Variants in RAP1GAP observed in about 807,000 individuals in gnomAD.
RAP1GAP encodes RAP1 GTPase activating protein.
RAP1GAP carries 35 observed loss-of-function variants against 87.2 expected under a neutral mutation model. The observed-to-expected ratio is 0.40, with a 90% CI of 0.31 to 0.53. The LOEUF is 0.53. RAP1GAP is among the 20% of genes least tolerant of loss of function. The pLI, the probability that RAP1GAP is intolerant of heterozygous loss-of-function variation, is 0.48. For synonymous variants in RAP1GAP, 375 were observed against 363.9 expected (o/e 1.03, Z -0.35); for missense variants, 734 against 898.9 (o/e 0.82, Z 2.35).
intron 7 of RAP1GAP, 26 bp from the exon 8 acceptor site, chr1:21,614,115 G>A (rs1192082024): frequency 2.7e-6 from 4 of 1,494,760 alleles, no homozygotes; most frequent in Admixed American, 1.8e-5. Flanking sequence ...GGGGCCAGGG[G>A]AGTGGGTGAG....
In RAP1GAP at chr1:21,613,282, ATGGGG is replaced by A; in HGVS notation, c.475-58_475-54del. 6.9e-7 allele frequency: 1 copy of A among 1,455,808 alleles called. No homozygotes were observed. Among genetic ancestry groups the A allele is most frequent in the Non-Finnish European group, 9.6e-7 (1 of 1,036,430 alleles). The allele number at this position is 1,455,808 out of a possible 1,614,324, so 90.2% of individuals were successfully genotyped here. On this transcript the variant is annotated intron_variant, in intron 9 of 24. Transcript: ENST00000374765. The surrounding 1 kb of genome is among the most constrained non-coding windows in gnomAD (Gnocchi z 4.7). The stretch of plus-strand genomic sequence containing the variant: ...GAGGTGTGGGGCCAGGGAGGAGAGG[ATGGGG>A]CTGCCTGGGCCTCCCTGGTCAAGGT...
intron 2 of RAP1GAP, among the ~76,000 whole-genome samples, chr1:21,639,077 G>A (rs760041188): frequency 2.6e-5 from 4 of 152,248 alleles, no homozygotes; most frequent in South Asian, 4.1e-4. Context: ...CAGCTGTCAC[G>A]TCCTGCAAGC....
At position 21,613,070 on chromosome 1, in the gene RAP1GAP, G is replaced by C; in HGVS notation, c.528+106C>G. 3.2e-6 allele frequency: 4 copies of C among 1,240,350 alleles called. No individual in the cohort carries two copies. The highest frequency in any genetic ancestry group is 4.7e-6 in the Non-Finnish European group (4 of 853,948). 76.8% of individuals were successfully genotyped at this position (1,240,350 alleles called of 1,614,324 possible). A position where few individuals can be genotyped will look rare whatever the true frequency, so the allele number is the denominator to read the frequency against. ...CACAGGGTTATTGTGAGGATTAAAT[G>C]AGAGAACCTTGGGAAAGTATCTGGC... On this transcript the variant is annotated intron_variant, in intron 10 of 24. Coordinates refer to ENST00000374765, the MANE Select transcript of RAP1GAP (RefSeq NM_002885.4). The surrounding 1 kb of genome is among the most constrained non-coding windows in gnomAD (Gnocchi z 4.7).
chr1:21,601,124 T>TGGGATAAAA (rs1225749117), intron 20 of RAP1GAP, among the ~76,000 whole-genome samples: 1 of 151,632 alleles, frequency 6.6e-6, no homozygotes, highest in African/African-American at 2.4e-5. Flanking sequence ...CTCCAACTCC[T>TGGGATAAAA]GGGCTAAAAT....
At chr1:21,629,270 C>T (rs542870022) in intron 2 of RAP1GAP, among the ~76,000 whole-genome samples, 1 of 152,248 alleles carries the variant, frequency 6.6e-6, no homozygotes, top group South Asian at 2.1e-4. Context: ...TGCCCAGTGG[C>T]GGCTGTTGCT....
chr1:21,651,831 C>T (rs1278970628), intron 1 of RAP1GAP: 2 of 1,202,440 alleles, frequency 1.7e-6, no homozygotes, highest in Non-Finnish European at 2.1e-6. Flanking sequence ...ATGGTGCCGC[C>T]GCCGCCGCCC....
In RAP1GAP at chr1:21,653,467, G is replaced by C. The variant is rs114638484; in HGVS notation, c.-148-3671C>G. On this transcript the variant is annotated intron_variant, in intron 1 of 24. Coordinates refer to ENST00000374765, the MANE Select transcript of RAP1GAP (RefSeq NM_002885.4). ...CTCTGGGCAGTGCTGTAGAGTCCTGGGGGGAGGAATCACACCAGGGCAGGC... is the reference window on the plus strand; with the variant it reads ...CTCTGGGCAGTGCTGTAGAGTCCTGCGGGGAGGAATCACACCAGGGCAGGC... 9.2e-3 allele frequency among the ~76,000 whole-genome samples: 1,407 copies of C among 152,202 alleles called. 11 individuals carry two copies. The highest frequency in any genetic ancestry group is 0.015 in the African/African-American group (630 of 41,552).
intron 16 of RAP1GAP, 142 bp from the exon 17 acceptor site, chr1:21,608,492 G>A: frequency 2.6e-6 from 3 of 1,159,972 alleles, no homozygotes; most frequent in East Asian, 5.2e-5. Flanking sequence ...CTCCTGCACC[G>A]CCTTCCCCCA....
chr1:21,637,184 T>A (rs1427876461), intron 2 of RAP1GAP, among the ~76,000 whole-genome samples: 1 of 143,394 alleles, frequency 7.0e-6, no homozygotes, highest in African/African-American at 2.6e-5. Context: ...GGGGGCAGGG[T>A]CTCACTTTGT....
In RAP1GAP at chr1:21,642,261, C is replaced by T. The variant is rs528039515; in HGVS notation, c.-113+7500G>A. ...AGAGTCTACACACCAAGCGCAATTCCGCACCCACTGCAGGCGCAGCAGGTA... is the reference window on the plus strand; with the variant it reads ...AGAGTCTACACACCAAGCGCAATTCTGCACCCACTGCAGGCGCAGCAGGTA... On this transcript the variant is annotated intron_variant, in intron 2 of 24. Coordinates refer to ENST00000374765, the MANE Select transcript of RAP1GAP (RefSeq NM_002885.4). Among the ~76,000 whole-genome samples, 8 of 152,352 alleles carry T rather than the reference C, an allele frequency of 5.3e-5. No homozygotes were observed. The East Asian group carries it at 7.7e-4, about 15-fold the overall frequency.
chr1:21,611,587 C>T lies in RAP1GAP; in HGVS notation c.714-6G>A, dbSNP rs770621161. The T allele has an allele frequency of 1.2e-6, 2 of 1,614,100 alleles. No homozygotes were observed. The highest frequency in any genetic ancestry group is 1.1e-5 in the South Asian group (1 of 91,078). Reference sequence around the variant, plus strand: ...CGTCCAGGCCTCCTCGGAACCTGCCCCGGGGCCCCCCAGGCCACGCCTCAG... The same window carrying T: ...CGTCCAGGCCTCCTCGGAACCTGCCTCGGGGCCCCCCAGGCCACGCCTCAG... On this transcript the variant is annotated splice_polypyrimidine_tract_variant and splice_region_variant and intron_variant, in intron 12 of 24. Coordinates refer to ENST00000374765, the MANE Select transcript of RAP1GAP (RefSeq NM_002885.4).
intron 4 of RAP1GAP, 108 bp downstream of exon 4, chr1:21,619,907 G>C (rs528084012): frequency 4.1e-5 from 49 of 1,198,298 alleles, no homozygotes; most frequent in Middle Eastern, 1.9e-4. Context: ...TTCTACTGGC[G>C]TGGCCTGTCC....
intron 17 of RAP1GAP, 104 bp downstream of exon 17, chr1:21,608,109 A>C: frequency 2.1e-6 from 3 of 1,460,658 alleles, no homozygotes; most frequent in Non-Finnish European, 2.8e-6. Context: ...CCCTTCTGCC[A>C]GACTCCACCC....
intron 7 of RAP1GAP, among the ~76,000 whole-genome samples, chr1:21,614,733 A>G (rs1293571146): frequency 1.3e-5 from 2 of 152,100 alleles, no homozygotes; most frequent in Non-Finnish European, 2.9e-5. Context: ...AGAGGAGCCC[A>G]GGGCTGGCAC....
intron 23 of RAP1GAP, 39 bp from the exon 24 acceptor site, chr1:21,597,767 G>A (rs749792795): frequency 6.8e-6 from 11 of 1,611,384 alleles, no homozygotes; most frequent in East Asian, 4.5e-5. Flanking sequence ...GTGGCAAGAC[G>A]GGAGAAGCAA....
At position 21,599,468 on chromosome 1, in the gene RAP1GAP, GC is replaced by G. The variant is rs754775110; in HGVS notation, c.1776+25del. On this transcript the variant is annotated intron_variant, in intron 21 of 24. Coordinates refer to ENST00000374765, the MANE Select transcript of RAP1GAP (RefSeq NM_002885.4). ...GAGCCCCCTTCCAAGCTCCTGTGGG[GC>G]CCCTGACCCCCCTGAGCCTCTCACC... 9.4e-6 allele frequency: 15 copies of G among 1,596,818 alleles called. 1 individual carries two copies. Among genetic ancestry groups the G allele is most frequent in the Middle Eastern group, 3.3e-4 (2 of 6,006 alleles).
At chr1:21,625,236 G>C (rs989937565) in intron 3 of RAP1GAP, among the ~76,000 whole-genome samples, 5 of 152,204 alleles carry the variant, frequency 3.3e-5, no homozygotes, top group African/African-American at 1.2e-4. Context: ...CCAGGCCAGA[G>C]CTCTCAGGGA....
At chr1:21,647,588 A>C (rs962518731) in intron 2 of RAP1GAP, among the ~76,000 whole-genome samples, 1 of 152,222 alleles carries the variant, frequency 6.6e-6, no homozygotes, top group Non-Finnish European at 1.5e-5. Context: ...CCTATTCAAC[A>C]AGCACATGTT....
At chr1:21,597,285 G>A (rs764155248) in intron 24 of RAP1GAP, 21 bp from the exon 25 acceptor site, 1 of 183,198 alleles carries the variant, frequency 5.5e-6, no homozygotes, top group African/African-American at 2.4e-5. Context: ...AAGGGGGATG[G>A]AGACACCATG....
Sources: allele counts gnomAD v4.1 joint callset (sites outside exome capture counted in the v4.1 genomes callset), GRCh38; gene constraint gnomAD v4.1.1; non-coding constraint Gnocchi (gnomAD v3.1); transcripts MANE v1.5; gene names NCBI Gene and HGNC (gene_info 2026-07-23, HGNC 2026-07-21).